Variants in MIDEAS observed in about 807,000 individuals in gnomAD.
The protein encoded by MIDEAS is mitotic deacetylase-associated SANT domain protein.
In MIDEAS, 26 loss-of-function variants were observed where a neutral mutation model predicts 102.7. The observed-to-expected ratio is 0.25, with a 90% CI of 0.19 to 0.35. MIDEAS has a LOEUF of 0.35. Ranked by LOEUF, MIDEAS falls within the 10% of genes least tolerant of loss-of-function variation. MIDEAS has a pLI of 1.00. For synonymous variants in MIDEAS, 585 were observed against 591.0 expected (o/e 0.99, Z 0.15); for missense variants, 1,231 against 1,435.6 (o/e 0.86, Z 2.30).
chr14:73,726,088 C>T lies in MIDEAS; in HGVS notation c.2430G>A (p.Leu810=), dbSNP rs10147537. The T allele has an allele frequency of 0.031, 50,218 of 1,596,200 alleles. 912 individuals carry two copies. Among genetic ancestry groups the T allele is most frequent in the Middle Eastern group, 0.054 (328 of 6,036 alleles). ...GDILETLNKL[L]LKKPLRPHNH... ...TGTGGGGCCGCAGGGGCTTCTTCAG[C>T]AGCAGCTTATTCAGCGTTTCCTGGA... The change falls in exon 8 of 13, where the codon CTG becomes CTA. Residue 810 remains leucine (L), a synonymous_variant. Transcript: ENST00000423556.
At chr14:73,734,987 G>A (rs143211394) in intron 3 of MIDEAS, among the ~76,000 whole-genome samples, 1 of 152,258 alleles carries the variant, frequency 6.6e-6, no homozygotes, top group Non-Finnish European at 1.5e-5. Flanking sequence ...AACAGTAGAT[G>A]GCAACTTTTA....
intron 12 of MIDEAS, 42 bp downstream of exon 12, chr14:73,719,263 A>G: frequency 5.5e-6 from 5 of 916,334 alleles, no homozygotes; most frequent in Non-Finnish European, 5.3e-6. Flanking sequence ...TCCGCGCACC[A>G]GCCCGCGGGG....
rs2053050144 is a variant in MIDEAS at position 73,725,576 on chromosome 14, T to C, written c.2486-216A>G. On this transcript the variant is annotated intron_variant, in intron 8 of 12. Transcript: ENST00000423556. This position sits in a 1 kb window ranked among gnomAD's most constrained non-coding sequence, Gnocchi z 4.1. ...CTAGCTCACCAGCTGTGGTGAGGAT[T>C]AAATAAGATAATGCATGTGAAACCC... is the stretch of plus-strand genomic sequence containing the variant. Among the ~76,000 whole-genome samples the C allele has an allele frequency of 6.6e-6, 1 of 152,204 alleles. No homozygotes were observed. Among genetic ancestry groups the C allele is most frequent in the South Asian group, 2.1e-4 (1 of 4,828 alleles).
At position 73,718,572 on chromosome 14, in the gene MIDEAS, G is replaced by A. The variant is rs913040208; in HGVS notation, c.*271C>T. The A allele has an allele frequency of 2.8e-5, 9 of 320,466 alleles. No homozygotes were observed. The highest frequency in any genetic ancestry group is 1.9e-4 in the African/African-American group (9 of 46,442). 19.9% of individuals were successfully genotyped at this position (320,466 alleles called of 1,614,324 possible). ...TGTGAGAGGCGGTGGAGTCCCTCCC[G>A]AGGGGACCGGGACTCTCCCGGTCCA... On this transcript the variant is annotated 3_prime_UTR_variant, in exon 13 of 13. Transcript: ENST00000423556.
intron 1 of MIDEAS, among the ~76,000 whole-genome samples, chr14:73,744,242 G>A (rs1304717388): frequency 1.3e-5 from 2 of 152,182 alleles, no homozygotes; most frequent in Non-Finnish European, 2.9e-5. Context: ...CTGGCTGGCT[G>A]ACCCCAGGAG....
chr14:73,735,858 C>T (rs1215247124), intron 3 of MIDEAS, among the ~76,000 whole-genome samples: 1 of 152,232 alleles, frequency 6.6e-6, no homozygotes, highest in Non-Finnish European at 1.5e-5. Context: ...TAACTTTACT[C>T]ATGTAAAGTA....
intron 3 of MIDEAS, among the ~76,000 whole-genome samples, chr14:73,732,773 G>A (rs1331334285): frequency 2.7e-5 from 3 of 112,906 alleles, no homozygotes; most frequent in Admixed American, 1.2e-4. Context: ...GTGACACAGT[G>A]AGACTCCCTC....
In MIDEAS at chr14:73,722,821, G is replaced by A. The variant is rs777757841; in HGVS notation, c.2601C>T (p.Cys867=). Residue 867 remains cysteine, a synonymous_variant, in exon 10 of 13, where the codon TGC becomes TGT. Coordinates refer to ENST00000423556, the MANE Select transcript of MIDEAS (RefSeq NM_001367710.1). ...KLIQTKTVAQ[C]VEFYYTYKKQ... ...TCTTGTAGGTGTAGTAGAACTCCAC[G>A]CACTGGGCCACGGTCTTGGTCTGGA... 10 of 1,614,130 alleles carry A rather than the reference G, an allele frequency of 6.2e-6. No homozygotes were observed. The East Asian group carries it at 6.7e-5, about 11-fold the overall frequency.
Position 73,715,592 on chromosome 14 carries a change from A to G in MIDEAS, c.*3251T>C, listed in dbSNP as rs112283607. ...AATATTAACATAGCAAAATGTGGGG[A>G]GGACACAATTGTTTTATAAAAATAT... is the stretch of plus-strand genomic sequence containing the variant. On this transcript the variant is annotated 3_prime_UTR_variant, in exon 13 of 13. Transcript: ENST00000423556. The G allele has an allele frequency of 1.3e-5, 2 of 152,486 alleles. No homozygotes were observed. The highest frequency in any genetic ancestry group is 2.9e-5 in the Non-Finnish European group (2 of 68,052). 9.4% of individuals were successfully genotyped at this position (152,486 alleles called of 1,614,324 possible).
Position 73,726,970 on chromosome 14 carries a change from C to A in MIDEAS, c.2165G>T (p.Arg722Leu). The change falls in exon 6 of 13, where the codon CGG becomes CTG. Residue 722 changes from arginine to leucine, a missense_variant and splice_region_variant. Physicochemically the swap from Arg to Leu is moderately radical, Grantham distance 102. Coordinates refer to ENST00000423556, the MANE Select transcript of MIDEAS (RefSeq NM_001367710.1). ...CTGGAACCGGGAGCCCACGTTGATCCGTCTAGAGGAGTGAAAAGGGCAGGA... is the reference window on the plus strand; with the variant it reads ...CTGGAACCGGGAGCCCACGTTGATCAGTCTAGAGGAGTGAAAAGGGCAGGA... ...GEATPVSIEPRINVGSRFQAE... is the reference protein window; with the variant it reads ...GEATPVSIEPLINVGSRFQAE... The A allele has an allele frequency of 6.3e-7, 1 of 1,588,164 alleles. No homozygotes were observed. The highest frequency in any genetic ancestry group is 8.6e-7 in the Non-Finnish European group (1 of 1,162,322).
At chr14:73,782,503 A>ATT (rs562786859) in intron 1 of MIDEAS, among the ~76,000 whole-genome samples, 1 of 151,926 alleles carries the variant, frequency 6.6e-6, no homozygotes, top group African/African-American at 2.4e-5. Flanking sequence ...AATTTTTTGC[A>ATT]TTTTTTTACA....
At chr14:73,788,633 C>T (rs2053841004), upstream of MIDEAS, among the ~76,000 whole-genome samples, 1 of 152,148 alleles carries the variant, frequency 6.6e-6, no homozygotes, top group Admixed American at 6.5e-5. Flanking sequence ...ATGTGCAATG[C>T]AAGAAAAATA....
intron 1 of MIDEAS, among the ~76,000 whole-genome samples, chr14:73,749,376 A>G (rs1251887232): frequency 6.7e-6 from 1 of 150,044 alleles, no homozygotes; most frequent in Non-Finnish European, 1.5e-5. Flanking sequence ...TCTACAAAAA[A>G]AAAAAAAAAA....
At chr14:73,769,164 T>C (rs1255390028) in intron 1 of MIDEAS, among the ~76,000 whole-genome samples, 2 of 152,138 alleles carry the variant, frequency 1.3e-5, no homozygotes, top group African/African-American at 4.8e-5. Flanking sequence ...GCTTCCAGGG[T>C]CTTTCCCTCT....
chr14:73,757,148 C>T (rs755696183), intron 1 of MIDEAS, among the ~76,000 whole-genome samples: 2 of 151,484 alleles, frequency 1.3e-5, no homozygotes, highest in Non-Finnish European at 2.9e-5. Context: ...GATGTGTACC[C>T]GTAGTCCCAG....
chr14:73,730,168 A>T, intron 3 of MIDEAS, 183 bp from the exon 4 acceptor site: 1 of 735,342 alleles, frequency 1.4e-6, no homozygotes, highest in Non-Finnish European at 2.5e-6. Flanking sequence ...GGCAGAAGTC[A>T]GCAAACTTTT....
intron 1 of MIDEAS, among the ~76,000 whole-genome samples, chr14:73,774,533 A>C (rs1232052366): frequency 6.6e-6 from 1 of 151,888 alleles, no homozygotes; most frequent in Non-Finnish European, 1.5e-5. Flanking sequence ...GCTGGTATTA[A>C]TATTTATCCT....
intron 1 of MIDEAS, among the ~76,000 whole-genome samples, chr14:73,775,535 C>G (rs534262587): frequency 6.6e-6 from 1 of 152,116 alleles, no homozygotes; most frequent in South Asian, 2.1e-4. Flanking sequence ...TGCATCTAAG[C>G]GATCCAAGCC....
intron 1 of MIDEAS, among the ~76,000 whole-genome samples, chr14:73,753,058 G>C (rs2053439880): frequency 6.6e-6 from 1 of 152,212 alleles, no homozygotes; most frequent in Admixed American, 6.5e-5. Flanking sequence ...CTTTAAGGGG[G>C]AGGACACACT....
Sources: allele counts gnomAD v4.1 joint callset (sites outside exome capture counted in the v4.1 genomes callset), GRCh38; gene constraint gnomAD v4.1.1; non-coding constraint Gnocchi (gnomAD v3.1); transcripts MANE v1.5; gene names NCBI Gene and HGNC (gene_info 2026-07-23, HGNC 2026-07-21).